Variants in TUSC3 observed in about 807,000 individuals in gnomAD.
TUSC3 encodes dolichyl-diphosphooligosaccharide--protein glycosyltransferase subunit TUSC3.
Under a neutral mutation model 44.8 loss-of-function variants are expected in TUSC3, and 45 were observed. The ratio of observed to expected loss-of-function variants is 1.00; its 90% CI spans 0.79 to 1.29. The LOEUF (loss-of-function observed/expected upper bound fraction) is 1.29, where lower values mean the gene tolerates loss of function less well. TUSC3 is among the 50% of genes most tolerant of loss of function. The pLI is 0.00. For missense variants in TUSC3, 519 were observed against 437.9 expected, an observed-to-expected ratio of 1.19 and a Z score of -1.65; for synonymous variants, 212 against 152.9, an observed-to-expected ratio of 1.39 and a Z score of -2.85.
intron 1 of TUSC3, among the ~76,000 whole-genome samples, chr8:15,463,670 C>A (rs558284986): frequency 6.6e-6 from 1 of 152,182 alleles, no homozygotes; most frequent in Admixed American, 6.5e-5. Context: ...TGCTGCAAGG[C>A]ACCATTAAGT....
At chr8:15,690,070 T>C (rs1369801920) in intron 6 of TUSC3, among the ~76,000 whole-genome samples, 1 of 152,164 alleles carries the variant, frequency 6.6e-6, no homozygotes, top group Admixed American at 6.5e-5. Flanking sequence ...AATTCTGTTT[T>C]AAGCTCTTTG....
At chr8:15,685,060 C>T (rs1808573755) in intron 6 of TUSC3, among the ~76,000 whole-genome samples, 1 of 152,184 alleles carries the variant, frequency 6.6e-6, no homozygotes, top group East Asian at 1.9e-4. Flanking sequence ...CATGGCACAC[C>T]TCGGGGCGTG....
intron 2 of TUSC3, among the ~76,000 whole-genome samples, chr8:15,486,844 AT>A: frequency 6.6e-6 from 1 of 152,306 alleles, no homozygotes; most frequent in African/African-American, 2.4e-5. Context: ...AGCACTGCAA[AT>A]ATATCTTTAG....
rs531879365 is a variant in TUSC3 at position 15,479,410 on chromosome 8, G to A, written n.92-3976G>A. Among the ~76,000 whole-genome samples the A allele has an allele frequency of 8.5e-5, 13 of 152,258 alleles. No homozygotes were observed. The South Asian group carries it at 2.7e-3, about 32-fold the overall frequency. On this transcript the variant is annotated intron_variant and non_coding_transcript_variant, in intron 1 of 5. Transcript: ENST00000503191. Reference sequence around the variant, plus strand: ...TAGATTTTCTTCTAGGGTTTTTATAGTTTTGGGTTTTACATTTCAGCTTTT... The same window carrying A: ...TAGATTTTCTTCTAGGGTTTTTATAATTTTGGGTTTTACATTTCAGCTTTT...
intron 1 of TUSC3, among the ~76,000 whole-genome samples, chr8:15,444,833 C>G (rs1190358464): frequency 2.6e-5 from 4 of 152,202 alleles, no homozygotes; most frequent in Non-Finnish European, 4.4e-5. Flanking sequence ...GATACTATTT[C>G]TTCTTTCCCT....
At chr8:15,641,260 C>T (rs1172635097) in intron 2 of TUSC3, among the ~76,000 whole-genome samples, 2 of 150,944 alleles carry the variant, frequency 1.3e-5, no homozygotes, top group Non-Finnish European at 2.9e-5. Flanking sequence ...ACTCGGGAGG[C>T]TGAGGCAGGA....
intron 1 of TUSC3, among the ~76,000 whole-genome samples, chr8:15,446,214 C>T (rs1800095325): frequency 6.6e-6 from 1 of 150,848 alleles, no homozygotes; most frequent in African/African-American, 2.4e-5. Context: ...CGTTGGGTGG[C>T]CGGGCAGAGA....
chr8:15,484,523 C>A (rs1294641738), intron 2 of TUSC3, among the ~76,000 whole-genome samples: 1 of 152,198 alleles, frequency 6.6e-6, no homozygotes. Flanking sequence ...TGAGATACAT[C>A]TAAGTATTCA....
chr8:15,833,868 G>C, the TUSC3 span, among the ~76,000 whole-genome samples: 1 of 151,664 alleles, frequency 6.6e-6, no homozygotes, highest in Admixed American at 6.6e-5. Context: ...GTTTTAAAGT[G>C]TGAGATATAA....
chr8:15,834,688 T>C, the TUSC3 span, among the ~76,000 whole-genome samples: 1 of 152,176 alleles, frequency 6.6e-6, no homozygotes, highest in Non-Finnish European at 1.5e-5. Flanking sequence ...CCTAGTCTTA[T>C]TGAGTTAATT....
At chr8:15,830,461 T>C in the TUSC3 span, among the ~76,000 whole-genome samples, 1 of 152,302 alleles carries the variant, frequency 6.6e-6, no homozygotes, top group Non-Finnish European at 1.5e-5. Flanking sequence ...CCTGCACTTG[T>C]ATATTTATTG....
chr8:15,516,927 T>A (rs1801223923), intron 2 of TUSC3, among the ~76,000 whole-genome samples: 1 of 152,214 alleles, frequency 6.6e-6, no homozygotes, highest in South Asian at 2.1e-4. Context: ...AATAAGTTCA[T>A]GCTCTTGAAA....
At chr8:15,510,403 G>A in intron 2 of TUSC3, among the ~76,000 whole-genome samples, 1 of 152,104 alleles carries the variant, frequency 6.6e-6, no homozygotes, top group Middle Eastern at 3.2e-3. Context: ...AGACATGAGA[G>A]CAATGACATC....
chr8:15,484,807 C>T (rs984805241), intron 2 of TUSC3, among the ~76,000 whole-genome samples: 2 of 152,082 alleles, frequency 1.3e-5, no homozygotes, highest in African/African-American at 2.4e-5. Flanking sequence ...AATGTTCATC[C>T]AAATAGTAAA....
At chr8:15,478,388 G>C (rs1800611091) in intron 1 of TUSC3, among the ~76,000 whole-genome samples, 1 of 152,034 alleles carries the variant, frequency 6.6e-6, no homozygotes. Flanking sequence ...TAGCTACTAA[G>C]GCTCACATGC....
chr8:15,605,828 T>G (rs1173407785), intron 1 of TUSC3, among the ~76,000 whole-genome samples: 1 of 151,956 alleles, frequency 6.6e-6, no homozygotes. Context: ...CACAACTGCA[T>G]AAAATTAACT....
At chr8:15,675,692 C>G (rs1158263638) in intron 6 of TUSC3, among the ~76,000 whole-genome samples, 1 of 151,972 alleles carries the variant, frequency 6.6e-6, no homozygotes. Flanking sequence ...ACGTGCAGTA[C>G]TTGATTTTCT....
At chr8:15,729,149 G>A (rs1433945004) in intron 6 of TUSC3, among the ~76,000 whole-genome samples, 1 of 152,178 alleles carries the variant, frequency 6.6e-6, no homozygotes, top group African/African-American at 2.4e-5. Context: ...CTATTTTGCA[G>A]TTGTTACGTA....
At chr8:15,676,577 T>A (rs1054645659) in intron 6 of TUSC3, among the ~76,000 whole-genome samples, 8 of 152,164 alleles carry the variant, frequency 5.3e-5, no homozygotes, top group African/African-American at 1.9e-4. Flanking sequence ...ATTTCCTGGG[T>A]TGTTCCAGGG....
Sources: allele counts gnomAD v4.1 joint callset (sites outside exome capture counted in the v4.1 genomes callset), GRCh38; gene constraint gnomAD v4.1.1; transcripts MANE v1.5; gene names NCBI Gene and HGNC (gene_info 2026-07-23, HGNC 2026-07-21).